KLHL29: variants seen among roughly 807,000 people sequenced by gnomAD.
The protein encoded by KLHL29 is kelch-like protein 29.
A neutral mutation model predicts 80.4 loss-of-function variants in KLHL29; 21 were observed. The observed-to-expected ratio is 0.26, with a 90% CI of 0.19 to 0.38. The LOEUF is 0.38. Among genes scored for constraint, KLHL29 ranks in the 10% least tolerant of loss-of-function variants. The pLI is 1.00. For synonymous variants in KLHL29, 511 were observed against 526.8 expected, an observed-to-expected ratio of 0.97 and a Z score of 0.41; for missense variants, 867 against 1,223.9, an observed-to-expected ratio of 0.71 and a Z score of 4.35.
intron 3 of KLHL29, among the ~76,000 whole-genome samples, chr2:23,581,695 G>T (rs1409631105): frequency 6.6e-6 from 1 of 151,944 alleles, no homozygotes; most frequent in Non-Finnish European, 1.5e-5. Context: ...GGGCGTGGTA[G>T]TGCGTACCTG....
chr2:23,561,806 C>A (rs1667453849), intron 2 of KLHL29, among the ~76,000 whole-genome samples: 1 of 152,000 alleles, frequency 6.6e-6, no homozygotes, highest in Non-Finnish European at 1.5e-5. Flanking sequence ...GCTCTTTTTT[C>A]ACGGTGGGGT....
At chr2:23,456,225 AG>A (rs747488928) in intron 1 of KLHL29, among the ~76,000 whole-genome samples, 1 of 152,210 alleles carries the variant, frequency 6.6e-6, no homozygotes, top group Non-Finnish European at 1.5e-5. Flanking sequence ...TGATGGTAGG[AG>A]CCAGTATCCT....
At position 23,696,387 on chromosome 2, in the gene KLHL29, T is replaced by C; in HGVS notation, c.1979T>C (p.Leu660Pro). The C allele has an allele frequency of 2.6e-6, 4 of 1,551,630 alleles. No homozygotes were observed. The highest frequency in any genetic ancestry group is 2.6e-6 in the Non-Finnish European group (3 of 1,146,970). ...LADVWCYMSL[L>P]DNWNLVSRMT... ...GATGTCTGGTGCTACATGTCCCTGC[T>C]TGATAACTGGAACCTCGTCTCCAGA... The change falls in exon 11 of 14, where the codon CTT becomes CCT. Residue 660 changes from leucine to proline, a missense_variant. Coordinates refer to ENST00000486442, the MANE Select transcript of KLHL29 (RefSeq NM_052920.2). The surrounding 1 kb of genome is among the most constrained non-coding windows in gnomAD (Gnocchi z 5.5).
chr2:23,513,499 G>A (rs1034144161), intron 2 of KLHL29, among the ~76,000 whole-genome samples: 1 of 152,170 alleles, frequency 6.6e-6, no homozygotes, highest in African/African-American at 2.4e-5. Context: ...GAACCAGGCA[G>A]GTTTCGTTTT....
At chr2:23,602,270 C>T (rs969354262) in intron 3 of KLHL29, among the ~76,000 whole-genome samples, 5 of 152,168 alleles carry the variant, frequency 3.3e-5, no homozygotes, top group Admixed American at 6.5e-5. Flanking sequence ...CTGAGTCATC[C>T]GTCCCAGCAC....
At chr2:23,445,953 C>T (rs923949355) in intron 1 of KLHL29, among the ~76,000 whole-genome samples, 1 of 152,164 alleles carries the variant, frequency 6.6e-6, no homozygotes, top group African/African-American at 2.4e-5. Flanking sequence ...TTTTTCCTTT[C>T]AGAGAATTTC....
chr2:23,613,912 G>T (rs1668937359), intron 3 of KLHL29, among the ~76,000 whole-genome samples: 1 of 152,072 alleles, frequency 6.6e-6, no homozygotes, highest in Non-Finnish European at 1.5e-5. Flanking sequence ...GTTGGGAACT[G>T]CTTAGAATCA....
At chr2:23,698,931 A>ACTGT (rs1225625211) in intron 11 of KLHL29, among the ~76,000 whole-genome samples, 2 of 152,234 alleles carry the variant, frequency 1.3e-5, no homozygotes, top group Non-Finnish European at 2.9e-5. Flanking sequence ...ATAATCTTCC[A>ACTGT]CTGTCTCCCA....
chr2:23,406,863 TA>T (rs1455143795), intron 1 of KLHL29, among the ~76,000 whole-genome samples: 1 of 152,226 alleles, frequency 6.6e-6, no homozygotes. Context: ...TTTTCAATTA[TA>T]AAAGTAATGT....
At chr2:23,641,463 C>G (rs1396374407) in intron 4 of KLHL29, among the ~76,000 whole-genome samples, 3 of 152,174 alleles carry the variant, frequency 2.0e-5, no homozygotes, top group African/African-American at 7.2e-5. Flanking sequence ...ACCTGAGGGC[C>G]CAGTGAACAC....
At chr2:23,603,319 A>G (rs946461234) in intron 3 of KLHL29, among the ~76,000 whole-genome samples, 12 of 152,126 alleles carry the variant, frequency 7.9e-5, no homozygotes, top group Admixed American at 3.3e-4. Flanking sequence ...CCCACCTCCA[A>G]CCAGCAGTCA....
chr2:23,699,807 G>A (rs998318727), intron 11 of KLHL29, among the ~76,000 whole-genome samples: 4 of 152,160 alleles, frequency 2.6e-5, no homozygotes, highest in Non-Finnish European at 5.9e-5. Context: ...CACACTGCAA[G>A]GCAGCCTTTC....
chr2:23,615,014 C>G (rs1668967023), intron 3 of KLHL29, among the ~76,000 whole-genome samples: 1 of 152,210 alleles, frequency 6.6e-6, no homozygotes, highest in Admixed American at 6.5e-5. Flanking sequence ...GCCATCAGGT[C>G]CTTCTCTCCC....
chr2:23,484,162 G>A (rs115162992), intron 2 of KLHL29, among the ~76,000 whole-genome samples: 329 of 152,238 alleles, frequency 2.2e-3, no homozygotes, highest in African/African-American at 7.3e-3. Flanking sequence ...AATGACCATC[G>A]CAGGCTGGAG....
chr2:23,698,611 A>G (rs1206118160), intron 11 of KLHL29, among the ~76,000 whole-genome samples: 1 of 152,232 alleles, frequency 6.6e-6, no homozygotes, highest in Non-Finnish European at 1.5e-5. Context: ...GCAAGATTAT[A>G]TAATTATAGA....
intron 3 of KLHL29, among the ~76,000 whole-genome samples, chr2:23,622,605 GCC>G (rs1276583560): frequency 6.6e-6 from 1 of 152,160 alleles, no homozygotes; most frequent in African/African-American, 2.4e-5. Flanking sequence ...ACTCCTCCCA[GCC>G]CTGAAGTCAG....
intron 2 of KLHL29, among the ~76,000 whole-genome samples, chr2:23,526,118 A>T (rs1284945058): frequency 1.3e-5 from 2 of 152,216 alleles, no homozygotes; most frequent in African/African-American, 4.8e-5. Context: ...TGGAATAGGG[A>T]TCCCATCGTG....
chr2:23,582,839 C>G (rs140423585), intron 3 of KLHL29, among the ~76,000 whole-genome samples: 2 of 152,158 alleles, frequency 1.3e-5, no homozygotes, highest in African/African-American at 2.4e-5. Flanking sequence ...CACCCCCCAG[C>G]CAAATATATG....
chr2:23,670,915 GCGCTCTCTCTCT>G lies in KLHL29; in HGVS notation c.941-13482_941-13471del, dbSNP rs1670705961. Among the ~76,000 whole-genome samples, 6 of 27,070 alleles carry G rather than the reference GCGCTCTCTCTCT, an allele frequency of 2.2e-4. 1 individual carries two copies. The highest frequency in any genetic ancestry group is 1.2e-3 in the Admixed American group (2 of 1,682). 17.8% of individuals were successfully genotyped at this position (27,070 alleles called of 152,430 possible). On this transcript the variant is annotated intron_variant, in intron 5 of 13. Transcript: ENST00000486442. ...GGGAGGGGTCTCTACACACATGCAC[GCGCTCTCTCTCT>G]CTCTCTCTCTCTCTCTCTCTCTCTC...
Sources: allele counts gnomAD v4.1 joint callset (sites outside exome capture counted in the v4.1 genomes callset), GRCh38; gene constraint gnomAD v4.1.1; non-coding constraint Gnocchi (gnomAD v3.1); transcripts MANE v1.5; gene names NCBI Gene and HGNC (gene_info 2026-07-23, HGNC 2026-07-21).